The following STX12 variants were observed in gnomAD, a reference collection of about 807,000 sequenced individuals.
STX12 encodes syntaxin 12.
In STX12, 17 loss-of-function variants were observed where a neutral mutation model predicts 42.2. That is an observed-to-expected ratio of 0.40 (90% CI 0.28 to 0.60). The LOEUF is 0.60. Ranked by LOEUF, STX12 falls within the 20% of genes least tolerant of loss-of-function variation. The pLI is 0.39. For synonymous variants in STX12, 108 were observed against 116.7 expected (o/e 0.93, Z 0.48); for missense variants, 297 against 330.9 (o/e 0.90, Z 0.79).
intron 4 of STX12, among the ~76,000 whole-genome samples, chr1:27,803,833 C>G (rs1445739439): frequency 1.3e-5 from 2 of 151,916 alleles, no homozygotes; most frequent in Non-Finnish European, 2.9e-5. Context: ...GAAACCCTGT[C>G]TCTACTAAAA....
chr1:27,781,851 T>G (rs1402384453), intron 1 of STX12, among the ~76,000 whole-genome samples: 1 of 152,182 alleles, frequency 6.6e-6, no homozygotes, highest in Non-Finnish European at 1.5e-5. Context: ...ATTTTATTAC[T>G]GCTAAGTACA....
chr1:27,773,324 T>C lies in STX12; in HGVS notation c.17T>C (p.Leu6Ser). 1 of 1,608,638 alleles carries C rather than the reference T, an allele frequency of 6.2e-7. No homozygotes were observed. Among genetic ancestry groups the C allele is most frequent in the Non-Finnish European group, 8.5e-7 (1 of 1,176,544 alleles). ...CTCCTCGTCATGTCATACGGTCCCTTAGACATGTACCGGAACCCGGGGCCC... is the reference window on the plus strand; with the variant it reads ...CTCCTCGTCATGTCATACGGTCCCTCAGACATGTACCGGAACCCGGGGCCC... MSYGP[L>S]DMYRNPGPSG... The change falls in exon 1 of 9, where the codon TTA becomes TCA. Residue 6 changes from leucine to serine, a missense_variant. By Grantham distance (145) the Leu-to-Ser change is moderately radical. Transcript: ENST00000373943.
chr1:27,822,455 C>T lies in STX12; in HGVS notation c.*126C>T, dbSNP rs2148609654. On this transcript the variant is annotated 3_prime_UTR_variant, in exon 9 of 9. Transcript: ENST00000373943. ...CGTCCTGTAATCATTTAGTTAGAAA[C>T]TAACTACTAACTAGTCTTTGGAATT... 1.6e-6 allele frequency: 1 copy of T among 632,088 alleles called. No homozygotes were observed. The highest frequency in any genetic ancestry group is 2.6e-5 in the East Asian group (1 of 38,148). 39.2% of individuals were successfully genotyped at this position (632,088 alleles called of 1,614,324 possible).
rs142321195 is a variant in STX12 at position 27,822,613 on chromosome 1, A to G, written c.*284A>G. ...ATCCCAAGTGTTTACTGAAAATTCC[A>G]TTCTAGATATTCTTGTTTTGACAAA... On this transcript the variant is annotated 3_prime_UTR_variant, in exon 9 of 9. Transcript: ENST00000373943. 5.4e-3 allele frequency: 1,516 copies of G among 283,116 alleles called. 7 individuals carry two copies. Among genetic ancestry groups the G allele is most frequent in the Non-Finnish European group, 8.1e-3 (1,199 of 148,072 alleles). 17.5% of individuals were successfully genotyped at this position (283,116 alleles called of 1,614,324 possible).
In STX12 at chr1:27,812,454, T is replaced by A. The variant is rs112562299; in HGVS notation, c.576+186T>A. ...TACCGGTTTTTTTTGTTTTTTTTTTTATCTTGGATGGAATTTCGCTCTTGT... is the reference window on the plus strand; with the variant it reads ...TACCGGTTTTTTTTGTTTTTTTTTTAATCTTGGATGGAATTTCGCTCTTGT... On this transcript the variant is annotated intron_variant, in intron 6 of 8. Transcript: ENST00000373943. Among the ~76,000 whole-genome samples the A allele has an allele frequency of 1.8e-3, 276 of 152,042 alleles. 1 individual carries two copies. The highest frequency in any genetic ancestry group is 3.3e-3 in the Non-Finnish European group (225 of 67,988).
intron 5 of STX12, 118 bp downstream of exon 5, chr1:27,810,407 G>A: frequency 1.1e-6 from 1 of 870,704 alleles, no homozygotes; most frequent in Non-Finnish European, 1.8e-6. Context: ...CACCTGGAGT[G>A]GATAACATAA....
At chr1:27,816,613 G>A (rs1448873153) in intron 6 of STX12, among the ~76,000 whole-genome samples, 3 of 138,550 alleles carry the variant, frequency 2.2e-5, no homozygotes, top group Admixed American at 1.4e-4. Context: ...GGGAGGGATA[G>A]AGAGAGAAGG....
At chr1:27,812,541 G>A (rs532982143) in intron 6 of STX12, among the ~76,000 whole-genome samples, 26 of 151,614 alleles carry the variant, frequency 1.7e-4, no homozygotes, top group Admixed American at 4.6e-4. Flanking sequence ...TCCTGGGTTC[G>A]AGCGATTCTC....
At chr1:27,777,564 A>G (rs544705387) in intron 1 of STX12, among the ~76,000 whole-genome samples, 4 of 152,280 alleles carry the variant, frequency 2.6e-5, no homozygotes, top group African/African-American at 4.8e-5. Flanking sequence ...AGTACATACC[A>G]TATCCTATGA....
At chr1:27,779,880 C>T (rs917517255) in intron 1 of STX12, among the ~76,000 whole-genome samples, 1 of 151,864 alleles carries the variant, frequency 6.6e-6, no homozygotes, top group Non-Finnish European at 1.5e-5. Flanking sequence ...CAACCTCTGC[C>T]TCCCAGGTTC....
intron 4 of STX12, among the ~76,000 whole-genome samples, chr1:27,803,462 A>G (rs546041772): frequency 1.3e-5 from 2 of 152,338 alleles, no homozygotes; most frequent in South Asian, 4.1e-4. Context: ...AAACCCAGTG[A>G]AAATATATGT....
At position 27,773,316 on chromosome 1, in the gene STX12, C is replaced by T. The variant is rs151097430; in HGVS notation, c.9C>T (p.Tyr3=). ...GGTCTCAGCTCCTCGTCATGTCATACGGTCCCTTAGACATGTACCGGAACC... is the reference window on the plus strand; with the variant it reads ...GGTCTCAGCTCCTCGTCATGTCATATGGTCCCTTAGACATGTACCGGAACC... MS[Y]GPLDMYRNPG... The change falls in exon 1 of 9, where the codon TAC becomes TAT. Residue 3 remains tyrosine (Y), a synonymous_variant. Transcript: ENST00000373943. The T allele has an allele frequency of 6.8e-4, 1,087 of 1,605,414 alleles. 5 individuals are homozygous for T. The African/African-American group carries it at 0.012, about 18-fold the overall frequency.
At position 27,823,652 on chromosome 1, in the gene STX12, A is replaced by AT. The variant is rs925297498; in HGVS notation, c.*1325dup. 6.6e-6 allele frequency: 1 copy of AT among 152,616 alleles called. No individual in the cohort carries two copies. The highest frequency in any genetic ancestry group is 2.4e-5 in the African/African-American group (1 of 41,448). The allele number at this position is 152,616 out of a possible 1,614,324, so 9.5% of individuals were successfully genotyped here. A position where few individuals can be genotyped will look rare whatever the true frequency, so the allele number is the denominator to read the frequency against. On this transcript the variant is annotated 3_prime_UTR_variant, in exon 9 of 9. Transcript: ENST00000373943. Reference sequence around the variant, plus strand: ...TCATTTCTTCTGTTCTCCTTCTGTTATTATACTTAATCTTCTAAACTAAAC... The same window carrying AT: ...TCATTTCTTCTGTTCTCCTTCTGTTATTTATACTTAATCTTCTAAACTAAAC...
At chr1:27,808,787 A>G (rs1192486392) in intron 4 of STX12, among the ~76,000 whole-genome samples, 1 of 152,202 alleles carries the variant, frequency 6.6e-6, no homozygotes, top group Non-Finnish European at 1.5e-5. Flanking sequence ...CTAGTCTTTC[A>G]CCAAATGCCA....
chr1:27,778,580 G>A (rs1480769306), intron 1 of STX12, among the ~76,000 whole-genome samples: 2 of 151,860 alleles, frequency 1.3e-5, no homozygotes, highest in African/African-American at 4.8e-5. Flanking sequence ...AGTCCTAGCT[G>A]CTCGGGAGGC....
chr1:27,776,861 T>C (rs1051582066), intron 1 of STX12, among the ~76,000 whole-genome samples: 1 of 152,260 alleles, frequency 6.6e-6, no homozygotes, highest in African/African-American at 2.4e-5. Flanking sequence ...GTGCTTTCTC[T>C]TCTCGTGGTG....
chr1:27,791,146 G>T (rs901729652), intron 2 of STX12, among the ~76,000 whole-genome samples: 1 of 150,766 alleles, frequency 6.6e-6, no homozygotes, highest in Admixed American at 6.6e-5. Flanking sequence ...CTGTAATCCC[G>T]GCTACTTGGG....
At chr1:27,807,528 G>T (rs1367302215) in intron 4 of STX12, among the ~76,000 whole-genome samples, 1 of 152,132 alleles carries the variant, frequency 6.6e-6, no homozygotes, top group Non-Finnish European at 1.5e-5. Context: ...CCACCAGGAG[G>T]GCAGAAGTTT....
intron 1 of STX12, among the ~76,000 whole-genome samples, chr1:27,784,429 A>G (rs2088687472): frequency 6.6e-6 from 1 of 152,116 alleles, no homozygotes; most frequent in Non-Finnish European, 1.5e-5. Context: ...TATGTTGCCC[A>G]GGCTGGTCTT....
Sources: gnomAD v4.1 joint callset for allele counts (sites outside exome capture counted in the v4.1 genomes callset) on GRCh38, gnomAD v4.1.1 for gene constraint, MANE v1.5 for transcripts, NCBI Gene and HGNC (gene_info 2026-07-23, HGNC 2026-07-21) for gene names.